Variants in KRI1 observed in about 807,000 individuals in gnomAD.
KRI1 encodes protein KRI1 homolog.
In KRI1, 83 loss-of-function variants were observed where a neutral mutation model predicts 97.0. The ratio of observed to expected loss-of-function variants is 0.86; its 90% confidence interval spans 0.72 to 1.03. KRI1 has a LOEUF of 1.03. Ranked by LOEUF, KRI1 falls within the 50% of genes least tolerant of loss-of-function variation. The pLI is 0.00. For synonymous variants in KRI1, 371 were observed against 363.5 expected (o/e 1.02, Z -0.23); for missense variants, 916 against 928.4 (o/e 0.99, Z 0.17).
At chr19:10,555,463 T>C (rs2144714150) in intron 16 of KRI1, 114 bp from the exon 17 acceptor site, 2 of 1,138,626 alleles carry the variant, frequency 1.8e-6, no homozygotes, top group East Asian at 4.8e-5. Context: ...CCAGCAGGGT[T>C]GCCATGATGG....
In KRI1 at chr19:10,565,049, G is replaced by A; in HGVS notation, c.169-15C>T. 5 of 1,543,398 alleles carry A rather than the reference G, an allele frequency of 3.2e-6. No homozygotes were observed. Among genetic ancestry groups the A allele is most frequent in the Non-Finnish European group, 4.5e-6 (5 of 1,115,672 alleles). On this transcript the variant is annotated splice_polypyrimidine_tract_variant and intron_variant, in intron 2 of 18. Transcript: ENST00000312962. ...GGATCAAATTCCTAGGGCAGGAAAA[G>A]GGTTGGGGATAGATTTCAGAAGGGA...
Position 10,565,020 on chromosome 19 carries a change from C to G in KRI1, c.183G>C (p.Gln61His). ...GCGTTTTGTAAAAGTCCCGCTCCTG[C>G]TGGGGATCAAATTCCTAGGGCAGGA... ...SSDERVEFDPQQERDFYKTLS... is the reference protein window; with the variant it reads ...SSDERVEFDPHQERDFYKTLS... The change falls in exon 3 of 19, where the codon CAG becomes CAC. Residue 61 changes from glutamine (Q) to histidine (H), a missense_variant. Physicochemically the swap from Gln to His is conservative, Grantham distance 24. Coordinates refer to ENST00000312962, the MANE Select transcript of KRI1 (RefSeq NM_023008.5). 1 of 1,612,034 alleles carries G rather than the reference C, an allele frequency of 6.2e-7. No individual in the cohort carries two copies. The highest frequency in any genetic ancestry group is 8.5e-7 in the Non-Finnish European group (1 of 1,178,230).
At position 10,565,526 on chromosome 19, in the gene KRI1, A is replaced by T. The variant is rs374436171; in HGVS notation, c.168+191T>A. 18 of 688,822 alleles carry T rather than the reference A, an allele frequency of 2.6e-5. No homozygotes were observed. In the African/African-American group the frequency reaches 2.7e-4, roughly 10 times the overall value. 42.7% of individuals were successfully genotyped at this position (688,822 alleles called of 1,614,324 possible). ...GGTGGGGATCGTGGCAGGGGAGAGA[A>T]AATAACGGGGATTTGGCTCCCCTGG... On this transcript the variant is annotated intron_variant, in intron 2 of 18. Transcript: ENST00000312962.
chr19:10,555,464 G>A (rs1916478210), intron 16 of KRI1, 115 bp from the exon 17 acceptor site: 2 of 1,083,770 alleles, frequency 1.8e-6, no homozygotes, highest in Admixed American at 1.8e-5. Context: ...CAGCAGGGTT[G>A]CCATGATGGC....
chr19:10,555,565 G>A (rs1916480525), intron 16 of KRI1, among the ~76,000 whole-genome samples: 1 of 152,212 alleles, frequency 6.6e-6, no homozygotes, highest in Non-Finnish European at 1.5e-5. Context: ...CCTTGCCCTA[G>A]GCCAGATGGC....
intron 4 of KRI1, 60 bp from the exon 5 acceptor site, chr19:10,561,905 C>A (rs1916715258): frequency 1.3e-6 from 2 of 1,493,574 alleles, no homozygotes; most frequent in African/African-American, 1.4e-5. Context: ...GTCCCCATGC[C>A]CATGCGGAGC....
At chr19:10,558,140 G>GC (rs754650819) in intron 13 of KRI1, 24 bp downstream of exon 13, 1 of 1,613,448 alleles carries the variant, frequency 6.2e-7, no homozygotes, top group Non-Finnish European at 8.5e-7. Flanking sequence ...CCAATCCCCA[G>GC]CCCAGTGCCC....
chr19:10,558,155 T>C lies in KRI1; in HGVS notation c.1270+9A>G, dbSNP rs370529481. On this transcript the variant is annotated intron_variant, in intron 13 of 18. Transcript: ENST00000312962. ...CCAATCCCCAGCCCAGTGCCCCAGCTGATCTCACCTTCAAGCCCTTCTTCT... is the reference window on the plus strand; with the variant it reads ...CCAATCCCCAGCCCAGTGCCCCAGCCGATCTCACCTTCAAGCCCTTCTTCT... The C allele has an allele frequency of 6.2e-7, 1 of 1,610,722 alleles. No individual in the cohort carries two copies. The highest frequency in any genetic ancestry group is 1.3e-5 in the African/African-American group (1 of 74,892).
chr19:10,560,405 C>G lies in KRI1; in HGVS notation c.707G>C (p.Gly236Ala). 6.2e-7 allele frequency: 1 copy of G among 1,614,008 alleles called. No individual in the cohort carries two copies. Among genetic ancestry groups the G allele is most frequent in the South Asian group, 1.1e-5 (1 of 91,070 alleles). The change falls in exon 9 of 19, where the codon GGG becomes GCG. Residue 236 changes from glycine (G) to alanine (A), a missense_variant. By Grantham distance (60) the Gly-to-Ala change is moderately conservative. Coordinates refer to ENST00000312962, the MANE Select transcript of KRI1 (RefSeq NM_023008.5). ...EYWNDPELDE[G>A]ERFLRDYILN... Reference sequence around the variant, plus strand: ...GATGTAATCCCGCAGGAACCGCTCCCCTTCATCCAACTCAGGGTCGTTCCA... The same window carrying G: ...GATGTAATCCCGCAGGAACCGCTCCGCTTCATCCAACTCAGGGTCGTTCCA...
At chr19:10,560,252 C>T in intron 9 of KRI1, 60 bp downstream of exon 9, 1 of 1,520,922 alleles carries the variant, frequency 6.6e-7, no homozygotes, top group South Asian at 1.3e-5. Flanking sequence ...CCAGTGCCGC[C>T]TGGGAATACT....
At position 10,559,487 on chromosome 19, in the gene KRI1, G is replaced by C; in HGVS notation, c.1066C>G (p.Leu356Val). The change falls in exon 12 of 19, where the codon CTG becomes GTG. Residue 356 changes from leucine to valine, a missense_variant. Physicochemically the swap from Leu to Val is conservative, Grantham distance 32. Around this residue, in one of 3 missense-constraint regions of KRI1, gnomAD observed 672 missense variants for 667.2 expected, o/e 1.01. Transcript: ENST00000312962. ...KQEELKQLKN[L>V]KRKEILAKLE... ...TTGGCCAGAATCTCCTTCCTCTTCA[G>C]GTTCTTCAGCTGCTTGAGCTCTTCC... The C allele has an allele frequency of 6.2e-7, 1 of 1,614,006 alleles. No individual in the cohort carries two copies. The highest frequency in any genetic ancestry group is 8.5e-7 in the Non-Finnish European group (1 of 1,180,010).
At chr19:10,555,594 G>T (rs1261120630) in intron 16 of KRI1, among the ~76,000 whole-genome samples, 1 of 152,172 alleles carries the variant, frequency 6.6e-6, no homozygotes, top group East Asian at 1.9e-4. Flanking sequence ...TGGCTGAATT[G>T]ATTCCAGTTT....
intron 3 of KRI1, 81 bp downstream of exon 3, chr19:10,564,848 C>T (rs961133020): frequency 2.3e-6 from 2 of 888,806 alleles, no homozygotes; most frequent in Admixed American, 1.8e-5. Context: ...AGTCAAGTCA[C>T]TTCTCTGAAT....
chr19:10,555,523 C>T (rs1294276749), intron 16 of KRI1, among the ~76,000 whole-genome samples, 174 bp from the exon 17 acceptor site: 1 of 152,216 alleles, frequency 6.6e-6, no homozygotes, highest in East Asian at 1.9e-4. Flanking sequence ...TAGAGGTCAG[C>T]AGATGGGGTA....
chr19:10,555,662 G>C, intron 16 of KRI1, among the ~76,000 whole-genome samples: 1 of 152,180 alleles, frequency 6.6e-6, no homozygotes, highest in African/African-American at 2.4e-5. Context: ...GCCTCAGAAC[G>C]GGCAGGGGTC....
In KRI1 at chr19:10,553,095, C is replaced by A; in HGVS notation, c.*856G>T. ...GGAGGGGATGAGGGGAAAGATACAA[C>A]ACTATTTATTTTTTTATTTATGTCA... On this transcript the variant is annotated 3_prime_UTR_variant, in exon 19 of 19. Transcript: ENST00000312962. 6.4e-7 allele frequency: 1 copy of A among 1,563,918 alleles called. No homozygotes were observed. Among genetic ancestry groups the A allele is most frequent in the Non-Finnish European group, 8.7e-7 (1 of 1,155,936 alleles).
intron 3 of KRI1, among the ~76,000 whole-genome samples, chr19:10,563,990 CA>C (rs148236647): frequency 0.19 from 28,047 of 150,666 alleles, 3,061 homozygotes; most frequent in Non-Finnish European, 0.25. Context: ...CTAAAAATAA[CA>C]AAAAAATAGC....
chr19:10,557,008 C>T (rs994895140), intron 16 of KRI1, among the ~76,000 whole-genome samples: 2 of 151,736 alleles, frequency 1.3e-5, no homozygotes, highest in African/African-American at 4.8e-5. Context: ...ATTTACGGGG[C>T]GTGCCATAGG....
Position 10,558,178 on chromosome 19 carries a change from T to C in KRI1, c.1256A>G (p.Glu419Gly). ...VEEEKPQFEE[E>G]EGLEDDWNWD... Reference sequence around the variant, plus strand: ...GCTGATCTCACCTTCAAGCCCTTCTTCTTCCTCAAATTGTGGCTTCTCCTC... The same window carrying C: ...GCTGATCTCACCTTCAAGCCCTTCTCCTTCCTCAAATTGTGGCTTCTCCTC... The change falls in exon 13 of 19, where the codon GAA becomes GGA. Residue 419 changes from glutamate to glycine, a missense_variant. Physicochemically the swap from Glu to Gly is moderately conservative, Grantham distance 98. Transcript: ENST00000312962. The C allele has an allele frequency of 6.2e-7, 1 of 1,613,992 alleles. No individual in the cohort carries two copies. Among genetic ancestry groups the C allele is most frequent in the Non-Finnish European group, 8.5e-7 (1 of 1,179,974 alleles).
Sources: allele counts gnomAD v4.1 joint callset (sites outside exome capture counted in the v4.1 genomes callset), GRCh38; gene constraint gnomAD v4.1.1; regional missense constraint gnomAD v4.1.1; transcripts MANE v1.5; gene names NCBI Gene and HGNC (gene_info 2026-07-23, HGNC 2026-07-21).